Variants in RAB11FIP4 observed in about 807,000 individuals in gnomAD.
The protein encoded by RAB11FIP4 is rab11 family-interacting protein 4.
A neutral mutation model predicts 74.3 loss-of-function variants in RAB11FIP4; 23 were observed. That is an observed-to-expected ratio of 0.31 (90% confidence interval 0.22 to 0.44). RAB11FIP4 has a LOEUF of 0.44. Among genes scored for constraint, RAB11FIP4 ranks in the 20% least tolerant of loss-of-function variants. The pLI is 1.00. For missense variants in RAB11FIP4, 630 were observed against 863.9 expected (o/e 0.73, Z 3.39); for synonymous variants, 360 against 359.9 (o/e 1.00, Z 0.00).
intron 3 of RAB11FIP4, among the ~76,000 whole-genome samples, chr17:31,497,294 G>A (rs1248756264): frequency 6.6e-6 from 1 of 152,098 alleles, no homozygotes; most frequent in Non-Finnish European, 1.5e-5. Flanking sequence ...AACCCGGAAG[G>A]CAGAGCCTGC....
At chr17:31,461,696 A>G (rs866011336) in intron 3 of RAB11FIP4, among the ~76,000 whole-genome samples, 1 of 150,976 alleles carries the variant, frequency 6.6e-6, no homozygotes, top group Non-Finnish European at 1.5e-5. Context: ...TGCTGGGATG[A>G]CAAGCATGAT....
intron 3 of RAB11FIP4, among the ~76,000 whole-genome samples, chr17:31,514,556 G>A (rs187128826): frequency 2.6e-4 from 39 of 152,352 alleles, no homozygotes; most frequent in African/African-American, 9.1e-4. Flanking sequence ...TCAGCTCATC[G>A]GGCTGCGGTG....
intron 6 of RAB11FIP4, 23 bp downstream of exon 6, chr17:31,522,072 G>A: frequency 1.9e-6 from 3 of 1,613,768 alleles, no homozygotes; most frequent in Non-Finnish European, 2.5e-6. Flanking sequence ...CCCAGCTGGG[G>A]GGTGAGAGGC....
intron 10 of RAB11FIP4, chr17:31,526,573 G>C (rs1597984873): frequency 6.6e-6 from 1 of 152,324 alleles, no homozygotes; most frequent in Non-Finnish European, 1.5e-5. Context: ...CTCTGCAGGA[G>C]TCACTGCCAG....
chr17:31,396,183 C>CAA (rs55991343), intron 1 of RAB11FIP4, among the ~76,000 whole-genome samples: 6 of 122,592 alleles, frequency 4.9e-5, no homozygotes, highest in Non-Finnish European at 8.4e-5. Flanking sequence ...GACCCTGCCA[C>CAA]AAAAAAAAAA....
intron 3 of RAB11FIP4, among the ~76,000 whole-genome samples, chr17:31,435,901 C>T (rs2071352653): frequency 6.6e-6 from 1 of 152,226 alleles, no homozygotes; most frequent in African/African-American, 2.4e-5. Flanking sequence ...GATAGCTGGG[C>T]CCCAGGCCCA....
In RAB11FIP4 at chr17:31,512,342, T is replaced by C. The variant is rs1323698858; in HGVS notation, c.337-5309T>C. On this transcript the variant is annotated intron_variant, in intron 3 of 14. Coordinates refer to ENST00000621161, the MANE Select transcript of RAB11FIP4 (RefSeq NM_032932.6). This position sits in a 1 kb window ranked among gnomAD's most constrained non-coding sequence, Gnocchi z 4.1. ...GTGAGGAGCCAGGTGCTCACAAAGG[T>C]GGTCACTTGTCCAAGGTCACATGGC... 6.6e-6 allele frequency among the ~76,000 whole-genome samples: 1 copy of C among 151,988 alleles called. No individual in the cohort carries two copies. The highest frequency in any genetic ancestry group is 1.5e-5 in the Non-Finnish European group (1 of 67,978).
At chr17:31,396,053 G>A (rs1022166545) in intron 1 of RAB11FIP4, among the ~76,000 whole-genome samples, 14 of 151,776 alleles carry the variant, frequency 9.2e-5, no homozygotes, top group Non-Finnish European at 1.5e-5. Context: ...GTGTAGTGGC[G>A]TGCACCTGTA....
At chr17:31,449,172 G>C (rs2071499489) in intron 3 of RAB11FIP4, among the ~76,000 whole-genome samples, 1 of 151,932 alleles carries the variant, frequency 6.6e-6, no homozygotes, top group African/African-American at 2.4e-5. Context: ...TGCTGGGATG[G>C]TGAGTGGCAT....
At chr17:31,516,752 C>A (rs1474132396) in intron 3 of RAB11FIP4, among the ~76,000 whole-genome samples, 1 of 152,214 alleles carries the variant, frequency 6.6e-6, no homozygotes, top group East Asian at 1.9e-4. Flanking sequence ...CAGGCGTGAG[C>A]CACCGTGCCT....
chr17:31,422,240 C>T (rs536986272), intron 1 of RAB11FIP4, among the ~76,000 whole-genome samples: 1 of 152,288 alleles, frequency 6.6e-6, no homozygotes, highest in African/African-American at 2.4e-5. Context: ...ACATGATCTA[C>T]CTTGGTGACA....
At chr17:31,488,913 T>C (rs2071953930) in intron 3 of RAB11FIP4, among the ~76,000 whole-genome samples, 1 of 152,180 alleles carries the variant, frequency 6.6e-6, no homozygotes, top group Admixed American at 6.5e-5. Context: ...CGGCGCAGTC[T>C]CTGGAGAGCG....
At chr17:31,505,515 A>ATAATATATATAAAATATAATATAT (rs2072312211) in intron 3 of RAB11FIP4, among the ~76,000 whole-genome samples, 1 of 74,220 alleles carries the variant, frequency 1.3e-5, no homozygotes, top group African/African-American at 5.6e-5. Context: ...TATATATAAT[A>ATAATATATATAAAATATAATATAT]ATTATATATT....
intron 1 of RAB11FIP4, among the ~76,000 whole-genome samples, chr17:31,417,507 CA>C (rs2071159633): frequency 6.6e-6 from 1 of 152,162 alleles, no homozygotes; most frequent in African/African-American, 2.4e-5. Context: ...GTTTCAACTT[CA>C]CCCTACTCCA....
intron 7 of RAB11FIP4, 123 bp downstream of exon 7, chr17:31,522,518 A>G (rs2072688164): frequency 5.3e-6 from 5 of 946,066 alleles, no homozygotes; most frequent in African/African-American, 1.6e-5. Flanking sequence ...GCAGAGGGGA[A>G]CGAGGCCATC....
intron 3 of RAB11FIP4, among the ~76,000 whole-genome samples, chr17:31,436,475 T>C (rs11080153): frequency 0.56 from 84,554 of 151,766 alleles, 23,891 homozygotes; most frequent in Admixed American, 0.64. Flanking sequence ...GTGTTCCCTG[T>C]AGTCTTTGGC....
intron 3 of RAB11FIP4, among the ~76,000 whole-genome samples, chr17:31,472,204 C>T (rs1367587148): frequency 6.6e-6 from 1 of 151,314 alleles, no homozygotes; most frequent in East Asian, 1.9e-4. Flanking sequence ...AGGAAAGGGG[C>T]TGCCCACCTG....
intron 3 of RAB11FIP4, among the ~76,000 whole-genome samples, chr17:31,470,249 C>T (rs1441002419): frequency 6.6e-6 from 1 of 152,178 alleles, no homozygotes; most frequent in South Asian, 2.1e-4. Flanking sequence ...AGGAAGCCCT[C>T]CTGTGGTCCT....
rs1302658380 is a variant in RAB11FIP4 at position 31,391,849 on chromosome 17, C to T, written c.-4C>T. The T allele has an allele frequency of 3.6e-6, 4 of 1,098,388 alleles. No individual in the cohort carries two copies. The African/African-American group carries it at 5.0e-5, about 14-fold the overall frequency. The allele number at this position is 1,098,388 out of a possible 1,614,324, so 68.0% of individuals were successfully genotyped here. ...GGTCCGGGCTGAGCTGCGGGCCGGC[C>T]CGGATGGCGGGCGGCGCGGGCTGGT... On this transcript the variant is annotated 5_prime_UTR_variant, in exon 1 of 15. Coordinates refer to ENST00000621161, the MANE Select transcript of RAB11FIP4 (RefSeq NM_032932.6).
Sources: gnomAD v4.1 joint callset for allele counts (sites outside exome capture counted in the v4.1 genomes callset) on GRCh38, gnomAD v4.1.1 for gene constraint, Gnocchi (gnomAD v3.1) non-coding constraint, MANE v1.5 for transcripts, NCBI Gene and HGNC (gene_info 2026-07-23, HGNC 2026-07-21) for gene names.